AGPS: variants seen among roughly 807,000 people sequenced by gnomAD.
The protein encoded by AGPS is alkylglycerone phosphate synthase, also known as alkyldihydroxyacetonephosphate synthase, peroxisomal.
In AGPS, 26 loss-of-function variants were observed where a neutral mutation model predicts 90.7. The observed-to-expected ratio is 0.29, with a 90% confidence interval of 0.21 to 0.40. The LOEUF (loss-of-function observed/expected upper bound fraction) is 0.40, where lower values mean the gene tolerates loss of function less well. Ranked by LOEUF, AGPS falls within the 10% of genes least tolerant of loss-of-function variation. The pLI is 1.00. For missense variants in AGPS, 540 were observed against 816.1 expected (o/e 0.66, Z 4.12); for synonymous variants, 294 against 285.3 (o/e 1.03, Z -0.31).
chr2:177,438,543 C>G (rs1479081915), intron 5 of AGPS, among the ~76,000 whole-genome samples: 1 of 152,134 alleles, frequency 6.6e-6, no homozygotes, highest in African/African-American at 2.4e-5. Context: ...TTCCCTTGCA[C>G]CTTTGCTCTT....
At chr2:177,449,454 A>G (rs1049595607) in intron 8 of AGPS, among the ~76,000 whole-genome samples, 1 of 152,174 alleles carries the variant, frequency 6.6e-6, no homozygotes, top group Admixed American at 6.5e-5. Flanking sequence ...ACAGTGTCTC[A>G]TGCTGCTGCC....
At chr2:177,443,636 T>C (rs1017316530) in intron 7 of AGPS, among the ~76,000 whole-genome samples, 2 of 152,248 alleles carry the variant, frequency 1.3e-5, no homozygotes, top group African/African-American at 2.4e-5. Context: ...TAGTAGCTGA[T>C]TGTCTCACTT....
intron 14 of AGPS, among the ~76,000 whole-genome samples, chr2:177,500,826 C>T (rs1235255886): frequency 6.6e-6 from 1 of 152,074 alleles, no homozygotes; most frequent in Non-Finnish European, 1.5e-5. Context: ...TTAACTAAAT[C>T]ACTTAAAAAT....
chr2:177,455,598 TC>T (rs1687088967), intron 8 of AGPS, among the ~76,000 whole-genome samples: 1 of 152,072 alleles, frequency 6.6e-6, no homozygotes, highest in Non-Finnish European at 1.5e-5. Flanking sequence ...CTGGCCTGTT[TC>T]TTCTATTTTT....
chr2:177,449,735 G>A (rs1686879556), intron 8 of AGPS, among the ~76,000 whole-genome samples: 1 of 152,062 alleles, frequency 6.6e-6, no homozygotes, highest in African/African-American at 2.4e-5. Context: ...CCTCATTGTA[G>A]TTTTAATTTA....
chr2:177,487,031 A>G (rs1279843096), intron 11 of AGPS, among the ~76,000 whole-genome samples: 1 of 151,800 alleles, frequency 6.6e-6, no homozygotes, highest in Non-Finnish European at 1.5e-5. Flanking sequence ...GAGGAGGAAA[A>G]TAATGTTTTT....
intron 15 of AGPS, among the ~76,000 whole-genome samples, chr2:177,506,104 G>A (rs1688702698): frequency 6.6e-6 from 1 of 151,638 alleles, no homozygotes; most frequent in Non-Finnish European, 1.5e-5. Context: ...CAAGTCTGTT[G>A]TATTTACTGA....
intron 11 of AGPS, among the ~76,000 whole-genome samples, chr2:177,489,326 C>T (rs539413862): frequency 6.7e-4 from 102 of 152,146 alleles, no homozygotes; most frequent in African/African-American, 2.2e-3. Context: ...CCTCGTGATC[C>T]GCCTGCCTCG....
At chr2:177,524,993 C>G (rs774162257) in intron 19 of AGPS, among the ~76,000 whole-genome samples, 1 of 152,170 alleles carries the variant, frequency 6.6e-6, no homozygotes, top group African/African-American at 2.4e-5. Flanking sequence ...CTCTTAACCC[C>G]CACAAATGAA....
chr2:177,537,115 CCT>C (rs2079191297), intron 19 of AGPS, among the ~76,000 whole-genome samples: 1 of 152,016 alleles, frequency 6.6e-6, no homozygotes, highest in Non-Finnish European at 1.5e-5. Flanking sequence ...TACAAATAAT[CCT>C]AACTGTAAAT....
chr2:177,411,182 C>A (rs1402799332), intron 1 of AGPS, among the ~76,000 whole-genome samples: 1 of 152,136 alleles, frequency 6.6e-6, no homozygotes, highest in Admixed American at 6.5e-5. Context: ...TGCTGCAGGC[C>A]TAAGGCGGAC....
chr2:177,481,614 C>T (rs1295780798), intron 10 of AGPS, among the ~76,000 whole-genome samples: 1 of 151,830 alleles, frequency 6.6e-6, no homozygotes, highest in African/African-American at 2.4e-5. Flanking sequence ...CTTCTATCAT[C>T]TTAGATTCTC....
chr2:177,408,286 T>C (rs1447359098), intron 1 of AGPS, among the ~76,000 whole-genome samples: 1 of 152,238 alleles, frequency 6.6e-6, no homozygotes, highest in African/African-American at 2.4e-5. Context: ...CATTGCTTGC[T>C]TCTATGTGTG....
chr2:177,522,757 G>T (rs1197089369), intron 18 of AGPS, among the ~76,000 whole-genome samples: 1 of 152,074 alleles, frequency 6.6e-6, no homozygotes, highest in Non-Finnish European at 1.5e-5. Flanking sequence ...CACAGCCGAG[G>T]GTTCTTATAG....
At chr2:177,435,630 T>C (rs1456244081) in intron 3 of AGPS, among the ~76,000 whole-genome samples, 1 of 152,292 alleles carries the variant, frequency 6.6e-6, no homozygotes, top group African/African-American at 2.4e-5. Context: ...AGTGGCTAGC[T>C]TATAGCAGCC....
At chr2:177,429,801 G>T (rs1474494829) in intron 2 of AGPS, among the ~76,000 whole-genome samples, 1 of 152,208 alleles carries the variant, frequency 6.6e-6, no homozygotes, top group Non-Finnish European at 1.5e-5. Flanking sequence ...GAACAGGATG[G>T]CTGGGTTTTG....
chr2:177,410,010 G>T (rs1685574647), intron 1 of AGPS, among the ~76,000 whole-genome samples: 1 of 152,138 alleles, frequency 6.6e-6, no homozygotes, highest in South Asian at 2.1e-4. Context: ...TGAAAGGTTT[G>T]GTGAAGGGTT....
chr2:177,506,569 A>G (rs932588310), intron 15 of AGPS, among the ~76,000 whole-genome samples: 5 of 151,944 alleles, frequency 3.3e-5, no homozygotes, highest in African/African-American at 1.2e-4. Context: ...CTGAATTAAT[A>G]TGTTCTCATT....
chr2:177,420,244 CTT>C (rs1559038736), intron 1 of AGPS, 23 bp from the exon 2 acceptor site: 6 of 1,438,880 alleles, frequency 4.2e-6, no homozygotes, highest in East Asian at 2.3e-5. Context: ...ATTGGTCTCA[CTT>C]ATATATATTT....
Sources: gnomAD v4.1 joint callset for allele counts (sites outside exome capture counted in the v4.1 genomes callset) on GRCh38, gnomAD v4.1.1 for gene constraint, MANE v1.5 for transcripts, NCBI Gene and HGNC (gene_info 2026-07-23, HGNC 2026-07-21) for gene names.